CSGALNACT1: variants seen among roughly 807,000 people sequenced by gnomAD.
The protein encoded by CSGALNACT1 is beta4GalNAcT-1.
In CSGALNACT1, 52 loss-of-function variants were observed where a neutral mutation model predicts 51.0. The ratio of observed to expected loss-of-function variants is 1.02; its 90% CI spans 0.82 to 1.29. The LOEUF (loss-of-function observed/expected upper bound fraction) is 1.29. Among genes scored for constraint, CSGALNACT1 ranks in the 50% most tolerant of loss-of-function variants. The pLI is 0.00. For missense variants in CSGALNACT1, 935 were observed against 679.2 expected, an observed-to-expected ratio of 1.38 and a Z score of -4.19; for synonymous variants, 341 against 254.4, an observed-to-expected ratio of 1.34 and a Z score of -3.24.
intron 5 of CSGALNACT1, among the ~76,000 whole-genome samples, chr8:19,448,358 C>T (rs2062507973): frequency 6.6e-6 from 1 of 152,090 alleles, no homozygotes; most frequent in Non-Finnish European, 1.5e-5. Flanking sequence ...TGTAGTAGAA[C>T]CAATCAACCA....
intron 3 of CSGALNACT1, among the ~76,000 whole-genome samples, chr8:19,580,327 G>A (rs1214391657): frequency 6.6e-6 from 1 of 152,220 alleles, no homozygotes; most frequent in African/African-American, 2.4e-5. Flanking sequence ...CTTCTGCTAA[G>A]AGGCTAAAAC....
chr8:19,468,192 C>A (rs768736440), intron 4 of CSGALNACT1, among the ~76,000 whole-genome samples: 6 of 151,968 alleles, frequency 3.9e-5, no homozygotes, highest in African/African-American at 1.4e-4. Context: ...TTTACCAGAA[C>A]TGAAGACTGA....
chr8:19,616,583 T>C (rs1370269215), intron 1 of CSGALNACT1, among the ~76,000 whole-genome samples: 1 of 152,136 alleles, frequency 6.6e-6, no homozygotes, highest in South Asian at 2.1e-4. Context: ...GGTGACTGGA[T>C]CATGGGGGCA....
chr8:19,430,820 G>A (rs538123750), intron 6 of CSGALNACT1, among the ~76,000 whole-genome samples: 3 of 152,124 alleles, frequency 2.0e-5, no homozygotes, highest in African/African-American at 7.2e-5. Context: ...ATGAACATGG[G>A]ATGTCTTTCC....
chr8:19,689,605 G>C (rs1273185936), intron 1 of CSGALNACT1, among the ~76,000 whole-genome samples: 1 of 152,138 alleles, frequency 6.6e-6, no homozygotes, highest in South Asian at 2.1e-4. Context: ...AAGATGCTGA[G>C]AATTTTCTAT....
chr8:19,746,926 C>A (rs569475807), intron 1 of CSGALNACT1, among the ~76,000 whole-genome samples: 3 of 152,306 alleles, frequency 2.0e-5, no homozygotes, highest in Admixed American at 6.5e-5. Context: ...TCATCTGCCC[C>A]AAGAATAACA....
intron 3 of CSGALNACT1, among the ~76,000 whole-genome samples, chr8:19,565,053 A>G (rs1421373932): frequency 1.3e-5 from 2 of 152,208 alleles, no homozygotes; most frequent in African/African-American, 2.4e-5. Flanking sequence ...GAAAGTGCCC[A>G]CTATATTACA....
intron 4 of CSGALNACT1, among the ~76,000 whole-genome samples, chr8:19,489,267 T>G (rs900315233): frequency 3.3e-5 from 5 of 152,070 alleles, no homozygotes; most frequent in Non-Finnish European, 7.4e-5. Flanking sequence ...AAAATACAGA[T>G]AGGGAAGAAT....
chr8:19,553,298 T>G (rs189624455), intron 3 of CSGALNACT1, among the ~76,000 whole-genome samples: 7 of 152,136 alleles, frequency 4.6e-5, no homozygotes, highest in African/African-American at 1.7e-4. Context: ...AAAAACCTTC[T>G]GTTTATTAAA....
intron 1 of CSGALNACT1, among the ~76,000 whole-genome samples, chr8:19,753,271 A>C (rs960627727): frequency 3.3e-5 from 5 of 152,176 alleles, no homozygotes; most frequent in Non-Finnish European, 7.4e-5. Flanking sequence ...GGGAAATGAT[A>C]TTTAAAATGT....
intron 3 of CSGALNACT1, among the ~76,000 whole-genome samples, chr8:19,528,394 A>G (rs1322582998): frequency 6.6e-6 from 1 of 152,150 alleles, no homozygotes; most frequent in Non-Finnish European, 1.5e-5. Context: ...GCCTCACACA[A>G]GTGATAAAGA....
chr8:19,594,533 G>A (rs1004304109), intron 2 of CSGALNACT1, among the ~76,000 whole-genome samples: 1 of 152,100 alleles, frequency 6.6e-6, no homozygotes, highest in Non-Finnish European at 1.5e-5. Context: ...CAATTAGCTA[G>A]TCCACACCCA....
At chr8:19,543,443 G>A (rs1367399350) in intron 3 of CSGALNACT1, among the ~76,000 whole-genome samples, 1 of 152,228 alleles carries the variant, frequency 6.6e-6, no homozygotes, top group Non-Finnish European at 1.5e-5. Context: ...TAACTGATAA[G>A]GTTGTTTTGC....
intron 1 of CSGALNACT1, among the ~76,000 whole-genome samples, chr8:19,614,707 G>T (rs974889391): frequency 6.6e-6 from 1 of 152,190 alleles, no homozygotes; most frequent in Non-Finnish European, 1.5e-5. Flanking sequence ...ATCAGAGAAG[G>T]TTGAAACTAG....
intron 6 of CSGALNACT1, among the ~76,000 whole-genome samples, chr8:19,425,968 G>C (rs983391642): frequency 8.5e-5 from 13 of 152,166 alleles, no homozygotes; most frequent in African/African-American, 2.9e-4. Context: ...ACCCAGCCCT[G>C]CCTCTGTCCC....
intron 1 of CSGALNACT1, among the ~76,000 whole-genome samples, chr8:19,749,231 A>G (rs1181024585): frequency 4.7e-5 from 7 of 149,588 alleles, no homozygotes; most frequent in African/African-American, 1.7e-4. Context: ...TTTTTTTTTA[A>G]GTTTGCTTGT....
At chr8:19,447,942 A>G (rs1257394141) in intron 5 of CSGALNACT1, among the ~76,000 whole-genome samples, 10 of 152,220 alleles carry the variant, frequency 6.6e-5, no homozygotes, top group Non-Finnish European at 4.4e-5. Context: ...TAATGGTGTT[A>G]GTGTGATAGA....
chr8:19,535,735 G>A (rs771763914), intron 3 of CSGALNACT1, among the ~76,000 whole-genome samples: 8 of 152,076 alleles, frequency 5.3e-5, no homozygotes, highest in Non-Finnish European at 1.2e-4. Flanking sequence ...AAAATCACAT[G>A]ATCTTATCAA....
intron 8 of CSGALNACT1, among the ~76,000 whole-genome samples, chr8:19,417,919 TC>T (rs1245414641): frequency 6.6e-6 from 1 of 152,184 alleles, no homozygotes; most frequent in Non-Finnish European, 1.5e-5. Flanking sequence ...TTGCCTTTCC[TC>T]CTGCTGCTTG....
Sources: gnomAD v4.1 joint callset for allele counts (sites outside exome capture counted in the v4.1 genomes callset) on GRCh38, gnomAD v4.1.1 for gene constraint, MANE v1.5 for transcripts, NCBI Gene and HGNC (gene_info 2026-07-23, HGNC 2026-07-21) for gene names.